Variants in ABCG2 observed in about 807,000 individuals in gnomAD.
ABCG2 encodes the protein ATP binding cassette subfamily G member 2 (JR blood group).
ABCG2 carries 80 observed loss-of-function variants against 73.5 expected under a neutral mutation model. The observed-to-expected ratio is 1.09, with a 90% CI of 0.91 to 1.31. ABCG2 has a LOEUF of 1.31. ABCG2 is among the 50% of genes most tolerant of loss of function. ABCG2 has a pLI of 0.00. For synonymous variants in ABCG2, 269 were observed against 282.4 expected, an observed-to-expected ratio of 0.95 and a Z score of 0.48; for missense variants, 796 against 786.2, an observed-to-expected ratio of 1.01 and a Z score of -0.15.
intron 1 of ABCG2, among the ~76,000 whole-genome samples, chr4:88,182,560 A>C (rs1161712069): frequency 6.6e-6 from 1 of 152,218 alleles, no homozygotes; most frequent in African/African-American, 2.4e-5. Flanking sequence ...ATCTTCTCTG[A>C]CCACAATGGA....
At chr4:88,128,574 T>A (rs1205551363) in intron 5 of ABCG2, among the ~76,000 whole-genome samples, 1 of 152,186 alleles carries the variant, frequency 6.6e-6, no homozygotes, top group African/African-American at 2.4e-5. Context: ...ATATACACCA[T>A]GGAATACTAT....
intron 11 of ABCG2, 44 bp from the exon 12 acceptor site, chr4:88,099,492 G>C: frequency 6.5e-7 from 1 of 1,549,092 alleles, no homozygotes; most frequent in Non-Finnish European, 8.7e-7. Flanking sequence ...ATTAGTTTAA[G>C]AAGCCACAGG....
At chr4:88,111,590 A>T (rs993365104) in intron 9 of ABCG2, among the ~76,000 whole-genome samples, 1 of 152,186 alleles carries the variant, frequency 6.6e-6, no homozygotes, top group African/African-American at 2.4e-5. Flanking sequence ...TATTTTATAT[A>T]TACTTAAGTA....
At chr4:88,119,260 T>G (rs1723799660) in intron 6 of ABCG2, among the ~76,000 whole-genome samples, 1 of 152,240 alleles carries the variant, frequency 6.6e-6, no homozygotes, top group African/African-American at 2.4e-5. Context: ...CATGTGCAAC[T>G]GTAAGTCCAT....
chr4:88,231,364 A>C (rs1296526068), upstream of ABCG2: 1 of 152,076 alleles, frequency 6.6e-6, no homozygotes, highest in Non-Finnish European at 1.5e-5. Flanking sequence ...TTTCTCGATC[A>C]CTGGGATTCA....
Position 88,156,085 on chromosome 4 carries a change from G to T in ABCG2, c.-20+2301C>A, listed in dbSNP as rs551781855. Reference sequence around the variant, plus strand: ...AGAAATCAAGAAATGCATTAAAAAAGAAAAAGAGTCCGGGCATGATAGCTC... The same window carrying T: ...AGAAATCAAGAAATGCATTAAAAAATAAAAAGAGTCCGGGCATGATAGCTC... On this transcript the variant is annotated intron_variant, in intron 1 of 15. Transcript: ENST00000237612. 6.4e-4 allele frequency among the ~76,000 whole-genome samples: 96 copies of T among 151,180 alleles called. 1 individual carries two copies. The highest frequency in any genetic ancestry group is 1.6e-3 in the Admixed American group (25 of 15,190).
rs1721671555 is a variant in ABCG2, at chr4:88,092,038, T to C, written c.*196A>G. On this transcript the variant is annotated 3_prime_UTR_variant, in exon 16 of 16. Coordinates refer to ENST00000237612, the MANE Select transcript of ABCG2 (RefSeq NM_004827.3). ...TCTGAGGAGATTAACTAATATGCGA[T>C]ACATGATGTCTTGGGTTCTTTCATG... The C allele has an allele frequency of 1.9e-6, 1 of 526,004 alleles. No individual in the cohort carries two copies. The highest frequency in any genetic ancestry group is 3.6e-5 in the Admixed American group (1 of 27,560). 32.6% of individuals were successfully genotyped at this position (526,004 alleles called of 1,614,324 possible). A position where few individuals can be genotyped will look rare whatever the true frequency, so the allele number is the denominator to read the frequency against.
chr4:88,153,075 A>G (rs553830638), intron 1 of ABCG2, among the ~76,000 whole-genome samples: 11 of 152,246 alleles, frequency 7.2e-5, no homozygotes, highest in Admixed American at 2.0e-4. Context: ...CAGGACATCC[A>G]ATTAGAGAGT....
chr4:88,093,156 C>T (rs904133941), intron 15 of ABCG2, among the ~76,000 whole-genome samples: 7 of 152,192 alleles, frequency 4.6e-5, no homozygotes, highest in African/African-American at 1.7e-4. Context: ...TTTTGTGCAA[C>T]TCTTGGGAAT....
intron 1 of ABCG2, among the ~76,000 whole-genome samples, chr4:88,152,561 C>G: frequency 6.6e-6 from 1 of 151,912 alleles, no homozygotes; most frequent in South Asian, 2.1e-4. Flanking sequence ...CAGAATGAGC[C>G]AGGAGAAGGA....
intron 1 of ABCG2, among the ~76,000 whole-genome samples, chr4:88,196,062 C>T (rs1168632101): frequency 1.3e-5 from 2 of 152,158 alleles, no homozygotes; most frequent in Admixed American, 6.6e-5. Context: ...CAACCAATTA[C>T]TATTTTGCAG....
At position 88,134,775 on chromosome 4, in the gene ABCG2, A is replaced by T. The variant is rs181501008; in HGVS notation, c.204-2140T>A. On this transcript the variant is annotated intron_variant, in intron 2 of 15. Transcript: ENST00000237612. The stretch of plus-strand genomic sequence containing the variant: ...ATTACAGAAAACAACAACAATGTCC[A>T]GTCATAAATGCCAAGAGTTTCCATT... Among the ~76,000 whole-genome samples, 160 of 152,382 alleles carry T rather than the reference A, an allele frequency of 1.0e-3. 1 individual carries two copies. Among genetic ancestry groups the T allele is most frequent in the Non-Finnish European group, 2.8e-4 (19 of 68,046 alleles).
upstream of ABCG2, chr4:88,163,854 T>C (rs544748057): frequency 3.6e-5 from 7 of 196,138 alleles, no homozygotes; most frequent in East Asian, 1.1e-3. Flanking sequence ...TCAGAAAATG[T>C]AATGAGGGTA....
intron 1 of ABCG2, among the ~76,000 whole-genome samples, chr4:88,179,597 T>C (rs545356895): frequency 3.0e-4 from 46 of 152,318 alleles, no homozygotes; most frequent in Non-Finnish European, 2.2e-4. Context: ...GACAGAGAGA[T>C]ATGACCTTTC....
chr4:88,113,270 C>T, intron 9 of ABCG2, 33 bp downstream of exon 9: 2 of 1,605,546 alleles, frequency 1.2e-6, no homozygotes, highest in East Asian at 2.2e-5. Context: ...ACATTGTTCC[C>T]ATTTGAGTAT....
chr4:88,126,332 G>T (rs532305977), intron 5 of ABCG2, among the ~76,000 whole-genome samples: 2 of 152,188 alleles, frequency 1.3e-5, no homozygotes, highest in African/African-American at 4.8e-5. Flanking sequence ...ATTCACAGCC[G>T]AATTCTACCA....
chr4:88,169,676 A>G (rs1340649655), intron 1 of ABCG2, among the ~76,000 whole-genome samples: 1 of 152,212 alleles, frequency 6.6e-6, no homozygotes, highest in Non-Finnish European at 1.5e-5. Context: ...AAAAATAGCA[A>G]GAAGATCAAT....
intron 14 of ABCG2, 61 bp from the exon 15 acceptor site, chr4:88,094,720 G>T: frequency 7.7e-7 from 1 of 1,303,408 alleles, no homozygotes; most frequent in Non-Finnish European, 1.1e-6. Flanking sequence ...AGTTTCCAAA[G>T]AGTTATCACA....
rs947115458 is a variant in ABCG2 at position 88,124,841 on chromosome 4, C to T, written c.532-3049G>A. ...ACCTACAGAACTCTCTACCCCAAAG[C>T]AATAGAATATACATTCTTCTCAGCA... On this transcript the variant is annotated intron_variant, in intron 5 of 15. Transcript: ENST00000237612. 5.3e-5 allele frequency among the ~76,000 whole-genome samples: 8 copies of T among 152,288 alleles called. No homozygotes were observed. The South Asian group carries it at 1.0e-3, about 20-fold the overall frequency.
Sources: allele counts gnomAD v4.1 joint callset (sites outside exome capture counted in the v4.1 genomes callset), GRCh38; gene constraint gnomAD v4.1.1; transcripts MANE v1.5; gene names NCBI Gene and HGNC (gene_info 2026-07-23, HGNC 2026-07-21).